The following MDGA2 variants were observed in gnomAD, a reference collection of about 807,000 sequenced individuals.
The protein encoded by MDGA2 is MAM domain-containing glycosylphosphatidylinositol anchor protein 2.
MDGA2 carries 40 observed loss-of-function variants against 117.8 expected under a neutral mutation model. The observed-to-expected ratio is 0.34, with a 90% CI of 0.26 to 0.44. MDGA2 has a LOEUF of 0.44. MDGA2 is among the 20% of genes least tolerant of loss of function. The probability of loss-of-function intolerance (pLI) is 1.00; values close to 1 mark genes in which losing one functional copy is unlikely to be tolerated. For synonymous variants in MDGA2, 452 were observed against 439.0 expected (o/e 1.03, Z -0.37); for missense variants, 1,123 against 1,250.6 (o/e 0.90, Z 1.54).
chr14:47,085,020 T>C (rs574053090), intron 6 of MDGA2, among the ~76,000 whole-genome samples: 2 of 152,252 alleles, frequency 1.3e-5, no homozygotes, highest in South Asian at 4.1e-4. Context: ...AAAACCCATG[T>C]GTTTGAAACT....
At chr14:47,387,218 T>C (rs1397321784) in intron 1 of MDGA2, among the ~76,000 whole-genome samples, 1 of 152,154 alleles carries the variant, frequency 6.6e-6, no homozygotes, top group Non-Finnish European at 1.5e-5. Context: ...AAATCGGTTC[T>C]ACAATCAGCA....
chr14:46,929,589 GT>G (rs1884458729), intron 9 of MDGA2, among the ~76,000 whole-genome samples: 1 of 12,912 alleles, frequency 7.7e-5, no homozygotes, highest in Non-Finnish European at 1.7e-4. Flanking sequence ...ACGTGTGTGT[GT>G]GTGTGTGTGT....
rs189590904 is a variant in MDGA2 at position 47,168,484 on chromosome 14, T to G, written c.596-24210A>C. Among the ~76,000 whole-genome samples, 4 of 152,158 alleles carry G rather than the reference T, an allele frequency of 2.6e-5. No individual in the cohort carries two copies. In the East Asian group the frequency reaches 7.7e-4, roughly 29 times the overall value. The stretch of plus-strand genomic sequence containing the variant: ...TTAAGTTGGGTATTCTCAACTGATA[T>G]AAGCTATTGTTTTTCTTTTGCTCGA... On this transcript the variant is annotated intron_variant, in intron 3 of 16. Transcript: ENST00000399232.
chr14:47,108,330 C>CCCAA (rs1880841217), intron 5 of MDGA2, among the ~76,000 whole-genome samples: 1 of 152,150 alleles, frequency 6.6e-6, no homozygotes, highest in African/African-American at 2.4e-5. Context: ...GGCCTCTGAG[C>CCCAA]CCAAGCCAAG....
chr14:47,009,658 T>A (rs1887828622), intron 8 of MDGA2, among the ~76,000 whole-genome samples: 1 of 152,094 alleles, frequency 6.6e-6, no homozygotes, highest in Non-Finnish European at 1.5e-5. Flanking sequence ...AAATTGTCAT[T>A]CTGTCTTCTC....
chr14:47,333,422 A>C lies in MDGA2; in HGVS notation c.281-31872T>G, dbSNP rs529725667. ...ATTATTTTGAATGCAGTTACATTCTAATGTGTAGTCACAGTAGATGAACAG... is the reference window on the plus strand; with the variant it reads ...ATTATTTTGAATGCAGTTACATTCTCATGTGTAGTCACAGTAGATGAACAG... On this transcript the variant is annotated intron_variant, in intron 1 of 16. Coordinates refer to ENST00000399232, the MANE Select transcript of MDGA2 (RefSeq NM_001113498.3). Among the ~76,000 whole-genome samples the C allele has an allele frequency of 1.8e-4, 27 of 152,054 alleles. No homozygotes were observed. In the South Asian group the frequency reaches 5.6e-3, roughly 31 times the overall value.
At chr14:47,647,822 T>C (rs1026648869) in intron 1 of MDGA2, among the ~76,000 whole-genome samples, 1 of 152,182 alleles carries the variant, frequency 6.6e-6, no homozygotes, top group Non-Finnish European at 1.5e-5. Context: ...AGCATCTTTG[T>C]CATTTTTTCT....
intron 8 of MDGA2, among the ~76,000 whole-genome samples, chr14:47,034,131 G>A (rs545864793): frequency 1.3e-5 from 2 of 152,282 alleles, no homozygotes; most frequent in East Asian, 3.9e-4. Flanking sequence ...CAGAGGTTGA[G>A]TAGATTGTGT....
intron 1 of MDGA2, among the ~76,000 whole-genome samples, chr14:47,351,158 C>T (rs936750339): frequency 8.7e-5 from 13 of 149,590 alleles, no homozygotes; most frequent in Admixed American, 2.0e-4. Flanking sequence ...GTCTCACCCC[C>T]GCAACCTCTG....
intron 1 of MDGA2, chr14:47,343,152 G>C (rs762044281): frequency 7.7e-6 from 9 of 1,165,008 alleles, no homozygotes; most frequent in Non-Finnish European, 9.7e-6. Flanking sequence ...AGGTTACTTT[G>C]AGGACTAATT....
chr14:47,631,563 A>C (rs1897249028), intron 1 of MDGA2, among the ~76,000 whole-genome samples: 1 of 152,166 alleles, frequency 6.6e-6, no homozygotes, highest in Non-Finnish European at 1.5e-5. Flanking sequence ...TGCCACTCAT[A>C]CATTACCCTG....
chr14:47,246,056 A>T (rs985148960), intron 2 of MDGA2, among the ~76,000 whole-genome samples: 4 of 151,904 alleles, frequency 2.6e-5, no homozygotes, highest in African/African-American at 7.2e-5. Flanking sequence ...CTCAGAGGCC[A>T]GTTTTCTCCA....
chr14:47,605,253 G>A (rs1374050517), intron 1 of MDGA2, among the ~76,000 whole-genome samples: 1 of 152,038 alleles, frequency 6.6e-6, no homozygotes, highest in Non-Finnish European at 1.5e-5. Context: ...AATTTTCAAC[G>A]AGACAGATGA....
intron 3 of MDGA2, among the ~76,000 whole-genome samples, chr14:47,168,175 A>G (rs1310161839): frequency 6.7e-6 from 1 of 150,018 alleles, no homozygotes; most frequent in African/African-American, 2.4e-5. Flanking sequence ...TTTTCCTCTT[A>G]TGGAGTTTCT....
chr14:47,216,739 A>T (rs1886102422), intron 3 of MDGA2, among the ~76,000 whole-genome samples: 1 of 152,148 alleles, frequency 6.6e-6, no homozygotes, highest in Non-Finnish European at 1.5e-5. Flanking sequence ...TGTAAATTAA[A>T]CTTAACCTAA....
intron 1 of MDGA2, among the ~76,000 whole-genome samples, chr14:47,313,009 T>C (rs1274166790): frequency 1.3e-5 from 2 of 151,252 alleles, no homozygotes; most frequent in Admixed American, 6.6e-5. Flanking sequence ...AATGAAGAAA[T>C]ATTAATACAT....
intron 2 of MDGA2, among the ~76,000 whole-genome samples, chr14:47,280,117 C>T (rs1373084873): frequency 6.6e-6 from 1 of 151,674 alleles, no homozygotes; most frequent in South Asian, 2.1e-4. Context: ...GAATTCAAGA[C>T]TAGCCTGACC....
chr14:47,361,218 T>A (rs1891117051), intron 1 of MDGA2, among the ~76,000 whole-genome samples: 1 of 142,420 alleles, frequency 7.0e-6, no homozygotes, highest in African/African-American at 2.6e-5. Context: ...TATATATATA[T>A]ATATATATAT....
Position 47,035,156 on chromosome 14 carries a change from T to G in MDGA2, c.1674A>C (p.Gly558=). The G allele has an allele frequency of 6.2e-7, 1 of 1,614,180 alleles. No individual in the cohort carries two copies. The highest frequency in any genetic ancestry group is 8.5e-7 in the Non-Finnish European group (1 of 1,180,032). ...CATCATAACTCTCCATTTGCATTGATCCATCAGGCATTGCAACTTCTTTAT... is the reference window on the plus strand; with the variant it reads ...CATCATAACTCTCCATTTGCATTGAGCCATCAGGCATTGCAACTTCTTTAT... ...RADKEVAMPD[G]SMQMESYDGT... is the part of the protein sequence containing the mutation. The change falls in exon 8 of 17, where the codon GGA becomes GGC. Residue 558 remains glycine, a synonymous_variant. Coordinates refer to ENST00000399232, the MANE Select transcript of MDGA2 (RefSeq NM_001113498.3).
Sources: gnomAD v4.1 joint callset for allele counts (sites outside exome capture counted in the v4.1 genomes callset) on GRCh38, gnomAD v4.1.1 for gene constraint, MANE v1.5 for transcripts, NCBI Gene and HGNC (gene_info 2026-07-23, HGNC 2026-07-21) for gene names.